Variants in CSMD1 observed in about 807,000 individuals in gnomAD.
The protein encoded by CSMD1 is CUB and Sushi multiple domains 1, also known as CUB and sushi domain-containing protein 1.
CSMD1 carries 213 observed loss-of-function variants against 417.5 expected under a neutral mutation model. The ratio of observed to expected loss-of-function variants is 0.51; its 90% CI spans 0.46 to 0.57. The LOEUF (loss-of-function observed/expected upper bound fraction) is 0.57. Ranked by LOEUF, CSMD1 falls within the 20% of genes least tolerant of loss-of-function variation. CSMD1 has a pLI of 0.00. For missense variants in CSMD1, 6,923 were observed against 4,529.7 expected (o/e 1.53, Z -15.17); for synonymous variants, 2,862 against 1,736.8 (o/e 1.65, Z -16.11).
At chr8:3,400,254 C>T (rs1245115277) in intron 15 of CSMD1, among the ~76,000 whole-genome samples, 2 of 152,106 alleles carry the variant, frequency 1.3e-5, no homozygotes, top group Non-Finnish European at 2.9e-5. Flanking sequence ...TGTCCCTGGC[C>T]ACATGTTTTC....
chr8:3,996,114 A>C (rs894149860), intron 5 of CSMD1, among the ~76,000 whole-genome samples: 1 of 152,266 alleles, frequency 6.6e-6, no homozygotes, highest in South Asian at 2.1e-4. Flanking sequence ...TCTGACACAA[A>C]CTAAGTTTCT....
intron 5 of CSMD1, among the ~76,000 whole-genome samples, chr8:3,956,484 T>C (rs148942021): frequency 6.6e-6 from 1 of 152,176 alleles, no homozygotes; most frequent in Non-Finnish European, 1.5e-5. Flanking sequence ...CGTACATTCC[T>C]AAAGAGATTG....
Position 2,951,208 on chromosome 8 carries a change from T to C in CSMD1, c.10107A>G (p.Gln3369=). The change falls in exon 66 of 70, where the codon CAA becomes CAG. Residue 3369 remains glutamine, a synonymous_variant. Transcript: ENST00000635120. The part of the protein sequence containing the change: ...KGYYEYLGKR[Q]PATLTVDWFN... Reference sequence around the variant, plus strand: ...ACCAGTCAACAGTTAGAGTGGCGGGTTGTCTTTTCCCTAAATATTCATAAT... The same window carrying C: ...ACCAGTCAACAGTTAGAGTGGCGGGCTGTCTTTTCCCTAAATATTCATAAT... 1 of 1,606,766 alleles carries C rather than the reference T, an allele frequency of 6.2e-7. No individual in the cohort carries two copies. The highest frequency in any genetic ancestry group is 8.5e-7 in the Non-Finnish European group (1 of 1,176,932).
At chr8:4,538,204 T>A (rs1797201179) in intron 2 of CSMD1, among the ~76,000 whole-genome samples, 2 of 151,904 alleles carry the variant, frequency 1.3e-5, no homozygotes, top group South Asian at 4.2e-4. Context: ...TTTTTTTTTT[T>A]TGCCTGCTAT....
intron 3 of CSMD1, among the ~76,000 whole-genome samples, chr8:4,076,735 C>T: frequency 6.6e-6 from 1 of 152,166 alleles, no homozygotes; most frequent in Admixed American, 6.5e-5. Flanking sequence ...TCTCCAAGCC[C>T]TGACCCACCC....
At chr8:4,561,560 T>C (rs1707806475) in intron 2 of CSMD1, among the ~76,000 whole-genome samples, 2 of 152,118 alleles carry the variant, frequency 1.3e-5, no homozygotes, top group Admixed American at 6.5e-5. Flanking sequence ...CATGCACCAG[T>C]AGCCCCAGCT....
intron 49 of CSMD1, among the ~76,000 whole-genome samples, chr8:3,054,504 G>A (rs1812081811): frequency 6.6e-6 from 1 of 152,168 alleles, no homozygotes; most frequent in African/African-American, 2.4e-5. Flanking sequence ...TGTTGTCCCA[G>A]CTACTCAGGA....
rs80049085 is a variant in CSMD1, at chr8:3,636,829, T to A, written c.1010-20032A>T. Among the ~76,000 whole-genome samples the A allele has an allele frequency of 6.8e-3, 1,035 of 152,332 alleles. 18 individuals are homozygous for A. The highest frequency in any genetic ancestry group is 5.9e-3 in the Non-Finnish European group (400 of 68,034). On this transcript the variant is annotated intron_variant, in intron 7 of 69. Coordinates refer to ENST00000635120, the MANE Select transcript of CSMD1 (RefSeq NM_033225.6). ...CATATCTTTTCTTTATTTTTTGCTA[T>A]ATGAGTTTAAATGTCCCTTCCAAGA...
At chr8:3,145,133 C>CACAGAGTTTTATAG (rs1477163501) in intron 40 of CSMD1, among the ~76,000 whole-genome samples, 2 of 152,028 alleles carry the variant, frequency 1.3e-5, no homozygotes, top group Non-Finnish European at 2.9e-5. Flanking sequence ...CCATGTGCTC[C>CACAGAGTTTTATAG]ACAGAGTTTT....
At chr8:4,927,090 T>C (rs935527982) in intron 1 of CSMD1, among the ~76,000 whole-genome samples, 2 of 104,840 alleles carry the variant, frequency 1.9e-5, no homozygotes, top group African/African-American at 7.1e-5. Flanking sequence ...TTCAATGCAT[T>C]ATTATTATTA....
At chr8:4,877,932 G>T (rs189004981) in intron 1 of CSMD1, among the ~76,000 whole-genome samples, 3 of 152,026 alleles carry the variant, frequency 2.0e-5, no homozygotes, top group Non-Finnish European at 4.4e-5. Flanking sequence ...ATGGGAAAGG[G>T]ACCTACCCAA....
chr8:4,955,163 G>A (rs1809006694), intron 1 of CSMD1, among the ~76,000 whole-genome samples: 1 of 152,130 alleles, frequency 6.6e-6, no homozygotes, highest in Non-Finnish European at 1.5e-5. Context: ...GAAACCCTCT[G>A]AGTGCAGACC....
At chr8:4,453,508 T>A (rs562365747) in intron 2 of CSMD1, among the ~76,000 whole-genome samples, 2 of 152,330 alleles carry the variant, frequency 1.3e-5, no homozygotes, top group South Asian at 2.1e-4. Context: ...CCTTCAGGCC[T>A]TCTTGCATCA....
chr8:4,031,224 T>C (rs762115408), intron 4 of CSMD1, among the ~76,000 whole-genome samples: 2 of 152,186 alleles, frequency 1.3e-5, no homozygotes, highest in African/African-American at 4.8e-5. Context: ...TCTATTGTAT[T>C]AGTTCATTTT....
At chr8:4,734,865 T>C (rs777515567) in intron 1 of CSMD1, among the ~76,000 whole-genome samples, 4 of 152,188 alleles carry the variant, frequency 2.6e-5, no homozygotes, top group African/African-American at 9.6e-5. Flanking sequence ...GAAGATTCCA[T>C]GTGTGTTTAC....
chr8:4,255,591 G>C (rs1268164612), intron 3 of CSMD1, among the ~76,000 whole-genome samples: 1 of 152,110 alleles, frequency 6.6e-6, no homozygotes, highest in Non-Finnish European at 1.5e-5. Context: ...AGAAATCTTT[G>C]CATAAAGTTG....
intron 3 of CSMD1, among the ~76,000 whole-genome samples, chr8:4,089,460 T>C (rs866788353): frequency 8.5e-5 from 13 of 152,270 alleles, no homozygotes; most frequent in Admixed American, 2.0e-4. Context: ...GTGTCCTTCA[T>C]AGTTTTCAAA....
chr8:4,939,220 A>T (rs1159943414), intron 1 of CSMD1, among the ~76,000 whole-genome samples: 1 of 152,208 alleles, frequency 6.6e-6, no homozygotes, highest in Non-Finnish European at 1.5e-5. Context: ...TAAATTAGTA[A>T]AGCAAATATG....
At chr8:3,321,257 G>C (rs1403647881) in intron 23 of CSMD1, among the ~76,000 whole-genome samples, 1 of 152,092 alleles carries the variant, frequency 6.6e-6, no homozygotes, top group Non-Finnish European at 1.5e-5. Flanking sequence ...AGACACCATG[G>C]TGAGTATTCA....
Sources: allele counts gnomAD v4.1 joint callset (sites outside exome capture counted in the v4.1 genomes callset), GRCh38; gene constraint gnomAD v4.1.1; transcripts MANE v1.5; gene names NCBI Gene and HGNC (gene_info 2026-07-23, HGNC 2026-07-21).